The following DLC1 variants were observed in gnomAD, a reference collection of about 807,000 sequenced individuals.
DLC1 encodes the protein rho GTPase-activating protein 7.
A neutral mutation model predicts 140.3 loss-of-function variants in DLC1; 54 were observed. That is an observed-to-expected ratio of 0.38 (90% confidence interval 0.31 to 0.48). The LOEUF (loss-of-function observed/expected upper bound fraction) is 0.48. DLC1 is among the 20% of genes least tolerant of loss of function. DLC1 has a pLI of 0.96. For synonymous variants in DLC1, 986 were observed against 728.1 expected, an observed-to-expected ratio of 1.35 and a Z score of -5.70; for missense variants, 2,536 against 1,907.0, an observed-to-expected ratio of 1.33 and a Z score of -6.14.
intron 2 of DLC1, among the ~76,000 whole-genome samples, chr8:13,438,420 A>G (rs1298311077): frequency 6.6e-6 from 1 of 152,150 alleles, no homozygotes; most frequent in East Asian, 1.9e-4. Flanking sequence ...TTTCTCTGCA[A>G]TCAGTTTTGA....
intron 4 of DLC1, among the ~76,000 whole-genome samples, chr8:13,389,647 T>C (rs1836666642): frequency 6.6e-6 from 1 of 152,148 alleles, no homozygotes; most frequent in Non-Finnish European, 1.5e-5. Context: ...TAATGAAAAA[T>C]CTGATGATGA....
At chr8:13,100,943 G>A in intron 8 of DLC1, 173 bp from the exon 9 acceptor site, 2 of 673,490 alleles carry the variant, frequency 3.0e-6, no homozygotes, top group Non-Finnish European at 4.4e-6. Flanking sequence ...GTCTCACTCT[G>A]TTGTACAGGC....
chr8:13,214,599 G>A (rs369425919), intron 5 of DLC1: 1 of 733,454 alleles, frequency 1.4e-6, no homozygotes, highest in African/African-American at 1.8e-5. Flanking sequence ...AAATTGGAGT[G>A]CAGTGTTCTG....
chr8:13,430,906 A>G (rs1838831579), intron 2 of DLC1, among the ~76,000 whole-genome samples: 2 of 152,346 alleles, frequency 1.3e-5, no homozygotes, highest in African/African-American at 4.8e-5. Flanking sequence ...TACATTTTGA[A>G]GTTTAAAAGA....
intron 5 of DLC1, among the ~76,000 whole-genome samples, chr8:13,169,214 G>C (rs1358255995): frequency 6.6e-6 from 1 of 152,194 alleles, no homozygotes; most frequent in African/African-American, 2.4e-5. Context: ...CTTTCTTACA[G>C]ATGAATCAAC....
At chr8:13,403,095 T>A (rs549072351) in intron 2 of DLC1, among the ~76,000 whole-genome samples, 51 of 152,328 alleles carry the variant, frequency 3.3e-4, no homozygotes, top group African/African-American at 1.1e-3. Flanking sequence ...CAAAGACAGA[T>A]TAATTTTGAG....
intron 2 of DLC1, among the ~76,000 whole-genome samples, chr8:13,462,800 C>T (rs1188761567): frequency 3.3e-5 from 5 of 152,104 alleles, no homozygotes; most frequent in South Asian, 2.1e-4. Flanking sequence ...AGACATTCAC[C>T]AGATTGGAAT....
chr8:13,340,574 AC>A (rs1833995690), intron 4 of DLC1: 1 of 152,262 alleles, frequency 6.6e-6, no homozygotes, highest in African/African-American at 2.4e-5. Flanking sequence ...ACTTAAAAAA[AC>A]AAAAACAAAC....
intron 2 of DLC1, among the ~76,000 whole-genome samples, chr8:13,464,746 T>TTATATATATATATATATATTTATA (rs1475563670): frequency 7.6e-6 from 1 of 130,928 alleles, no homozygotes; most frequent in African/African-American, 2.7e-5. Flanking sequence ...GAATTTTAAA[T>TTATATATATATATATATATTTATA]TATATATATA....
intron 2 of DLC1, among the ~76,000 whole-genome samples, chr8:13,470,469 AT>A (rs1430944302): frequency 6.6e-6 from 1 of 152,158 alleles, no homozygotes; most frequent in African/African-American, 2.4e-5. Context: ...ATGAATAGAC[AT>A]TTCTCCAAAG....
chr8:13,575,346 AG>A (rs750231931), intron 1 of DLC1, among the ~76,000 whole-genome samples: 28 of 151,900 alleles, frequency 1.8e-4, no homozygotes, highest in Non-Finnish European at 4.0e-4. Context: ...GAGGGTTAGG[AG>A]GGGGGTACGA....
intron 2 of DLC1, among the ~76,000 whole-genome samples, chr8:13,416,789 T>G (rs1585071277): frequency 6.6e-6 from 1 of 152,284 alleles, no homozygotes; most frequent in Non-Finnish European, 1.5e-5. Flanking sequence ...GAGATTCTGG[T>G]TTGACATTTT....
chr8:13,562,063 T>C (rs1804263532), intron 1 of DLC1, among the ~76,000 whole-genome samples: 1 of 152,188 alleles, frequency 6.6e-6, no homozygotes, highest in Admixed American at 6.5e-5. Flanking sequence ...CAGGGGATTC[T>C]GCACCTTGAT....
intron 5 of DLC1, among the ~76,000 whole-genome samples, chr8:13,190,333 T>C (rs1826674000): frequency 6.6e-6 from 1 of 152,078 alleles, no homozygotes; most frequent in African/African-American, 2.4e-5. Context: ...AGCTTGCTGG[T>C]GAGAGCCAGG....
rs763820094 is a variant in DLC1 at position 13,499,449 on chromosome 8, A to C, written c.623T>G (p.Val208Gly). The C allele has an allele frequency of 1.2e-6, 2 of 1,613,992 alleles. No homozygotes were observed. Among genetic ancestry groups the C allele is most frequent in the Middle Eastern group, 1.6e-4 (1 of 6,062 alleles). The change falls in exon 2 of 18, where the codon GTA becomes GGA. Residue 208 changes from valine (V) to glycine (G), a missense_variant. By Grantham distance (109) the Val-to-Gly change is moderately radical. Transcript: ENST00000276297. Reference protein sequence around the residue: ...SLSEIKDAPKVNAVDTLNVKD... With the variant: ...SLSEIKDAPKGNAVDTLNVKD... ...CACGTTCAAAGTATCCACTGCATTT[A>C]CTTTGGGTGCATCTTTTATTTCACT...
intron 5 of DLC1, among the ~76,000 whole-genome samples, chr8:13,292,349 C>T (rs1270221592): frequency 6.6e-6 from 1 of 152,162 alleles, no homozygotes; most frequent in Non-Finnish European, 1.5e-5. Context: ...AGAACGGCTC[C>T]TGATTAGCTG....
chr8:13,548,630 C>A (rs1481121853), intron 1 of DLC1, among the ~76,000 whole-genome samples: 2 of 152,044 alleles, frequency 1.3e-5, no homozygotes, highest in African/African-American at 2.4e-5. Flanking sequence ...ACTGTCCTTA[C>A]CCTGATCAGC....
intron 5 of DLC1, among the ~76,000 whole-genome samples, chr8:13,289,982 T>A (rs1371377729): frequency 6.6e-6 from 1 of 152,220 alleles, no homozygotes; most frequent in East Asian, 1.9e-4. Flanking sequence ...TTTTGCTTGT[T>A]CAATACACTT....
At chr8:13,196,113 C>CAT (rs1450682713) in intron 5 of DLC1, among the ~76,000 whole-genome samples, 3 of 151,768 alleles carry the variant, frequency 2.0e-5, no homozygotes, top group African/African-American at 7.3e-5. Flanking sequence ...CACACACACA[C>CAT]ACACACACAC....
Sources: allele counts gnomAD v4.1 joint callset (sites outside exome capture counted in the v4.1 genomes callset), GRCh38; gene constraint gnomAD v4.1.1; transcripts MANE v1.5; gene names NCBI Gene and HGNC (gene_info 2026-07-23, HGNC 2026-07-21).